The following CHD6 variants were observed in gnomAD, a reference collection of about 807,000 sequenced individuals.
CHD6 encodes ATP-dependent chromatin remodeler CHD6.
CHD6 carries 50 observed loss-of-function variants against 276.9 expected under a neutral mutation model. That is an observed-to-expected ratio of 0.18 (90% CI 0.14 to 0.23). The LOEUF is 0.23. CHD6 is among the 10% of genes least tolerant of loss of function. The probability of loss-of-function intolerance (pLI) is 1.00; values close to 1 mark genes in which losing one functional copy is unlikely to be tolerated. For missense variants in CHD6, 2,564 were observed against 3,365.8 expected (o/e 0.76, Z 5.89); for synonymous variants, 1,173 against 1,229.3 (o/e 0.95, Z 0.96).
intron 3 of CHD6, among the ~76,000 whole-genome samples, chr20:41,528,182 G>T (rs1208536149): frequency 6.6e-6 from 1 of 151,956 alleles, no homozygotes; most frequent in Non-Finnish European, 1.5e-5. Flanking sequence ...CTTTTCTAAG[G>T]CCAAAACATT....
chr20:41,595,172 G>A (rs926220663), intron 1 of CHD6, among the ~76,000 whole-genome samples: 10 of 152,256 alleles, frequency 6.6e-5, no homozygotes, highest in East Asian at 3.9e-4. Context: ...TCTCAGCAAC[G>A]CAGGAGGAAA....
rs151218025 is a variant in CHD6, at chr20:41,413,548, C to T, written c.6940-33G>A. ...AAGGAAAAACGAGTATGTATAATCACGACACAATGAAAATTAGTTTCTAAA... is the reference window on the plus strand; with the variant it reads ...AAGGAAAAACGAGTATGTATAATCATGACACAATGAAAATTAGTTTCTAAA... On this transcript the variant is annotated intron_variant, in intron 34 of 36. Transcript: ENST00000373233. 2.0e-5 allele frequency: 29 copies of T among 1,436,090 alleles called. No individual in the cohort carries two copies. The Middle Eastern group carries it at 1.4e-3, about 67-fold the overall frequency. 89.0% of individuals were successfully genotyped at this position (1,436,090 alleles called of 1,614,324 possible).
At chr20:41,463,817 G>A (rs1206094467) in intron 17 of CHD6, among the ~76,000 whole-genome samples, 1 of 152,178 alleles carries the variant, frequency 6.6e-6, no homozygotes, top group Non-Finnish European at 1.5e-5. Flanking sequence ...TATGAACTGT[G>A]GATTGGAGAA....
chr20:41,517,827 C>T (rs1402357075), intron 3 of CHD6, among the ~76,000 whole-genome samples: 1 of 152,228 alleles, frequency 6.6e-6, no homozygotes, highest in African/African-American at 2.4e-5. Flanking sequence ...AGGGCAGAGG[C>T]TTACGCTCAG....
chr20:41,585,464 C>A (rs1178837299), intron 1 of CHD6, among the ~76,000 whole-genome samples: 2 of 147,228 alleles, frequency 1.4e-5, no homozygotes, highest in East Asian at 4.0e-4. Context: ...GCCAAGATCG[C>A]ACCATTGCAC....
intron 1 of CHD6, among the ~76,000 whole-genome samples, chr20:41,564,346 T>C (rs2045333083): frequency 6.6e-6 from 1 of 152,140 alleles, no homozygotes; most frequent in African/African-American, 2.4e-5. Context: ...AACAGAGTTA[T>C]AAAAAAGAAC....
intron 2 of CHD6, among the ~76,000 whole-genome samples, chr20:41,542,928 C>T (rs1191293460): frequency 6.6e-6 from 1 of 151,592 alleles, no homozygotes; most frequent in Non-Finnish European, 1.5e-5. Flanking sequence ...CATGGTGAAA[C>T]CCCATCTCTA....
At chr20:41,426,265 C>A in intron 27 of CHD6, 112 bp from the exon 28 acceptor site, 2 of 792,578 alleles carry the variant, frequency 2.5e-6, no homozygotes, top group South Asian at 2.7e-5. Context: ...GTCCCCTGCC[C>A]ATGAACAACT....
intron 31 of CHD6, among the ~76,000 whole-genome samples, chr20:41,419,743 C>T (rs992782092): frequency 6.6e-6 from 1 of 151,720 alleles, no homozygotes; most frequent in Non-Finnish European, 1.5e-5. Context: ...TTTTGTTCAC[C>T]CTAATAGGCC....
intron 1 of CHD6, among the ~76,000 whole-genome samples, chr20:41,565,127 A>G (rs1395396322): frequency 6.7e-6 from 1 of 149,498 alleles, no homozygotes; most frequent in African/African-American, 2.5e-5. Context: ...ATAGAGATTC[A>G]CTATTGTCAC....
At chr20:41,555,202 C>G (rs2045209082) in intron 1 of CHD6, among the ~76,000 whole-genome samples, 2 of 137,084 alleles carry the variant, frequency 1.5e-5, no homozygotes, top group African/African-American at 2.9e-5. Flanking sequence ...GCGCCCCTCA[C>G]CTCCCGGATG....
At position 41,601,310 on chromosome 20, in the gene CHD6, T is replaced by C. The variant is rs186128725; in HGVS notation, c.-24+17030A>G. On this transcript the variant is annotated intron_variant, in intron 1 of 36. Coordinates refer to ENST00000373233, the MANE Select transcript of CHD6 (RefSeq NM_032221.5). ...CTCTTTAGAAGCATGAAAATGTCTG[T>C]TGAAGTGACTTGAAACACGACTACT... 3.3e-5 allele frequency among the ~76,000 whole-genome samples: 5 copies of C among 152,292 alleles called. No homozygotes were observed. The East Asian group carries it at 7.7e-4, about 23-fold the overall frequency.
At chr20:41,565,405 A>C (rs758557517) in intron 1 of CHD6, among the ~76,000 whole-genome samples, 2 of 152,124 alleles carry the variant, frequency 1.3e-5, no homozygotes, top group Non-Finnish European at 2.9e-5. Context: ...GATTCTTTTT[A>C]AGTGGCCTAA....
chr20:41,514,484 T>A (rs2145972668), intron 4 of CHD6, among the ~76,000 whole-genome samples: 1 of 152,306 alleles, frequency 6.6e-6, no homozygotes, highest in African/African-American at 2.4e-5. Context: ...GAGCACTAAA[T>A]GCATTACCTG....
At chr20:41,532,831 G>A (rs747178576) in intron 3 of CHD6, among the ~76,000 whole-genome samples, 2 of 152,192 alleles carry the variant, frequency 1.3e-5, no homozygotes, top group South Asian at 2.1e-4. Context: ...GAAATACCAC[G>A]ACTTTAGAAA....
chr20:41,441,304 G>T (rs755375346), intron 25 of CHD6, among the ~76,000 whole-genome samples: 1 of 152,024 alleles, frequency 6.6e-6, no homozygotes, highest in Non-Finnish European at 1.5e-5. Context: ...CAGATGAGTC[G>T]GTTTTGCCTA....
intron 24 of CHD6, 23 bp from the exon 25 acceptor site, chr20:41,445,791 T>G: frequency 6.7e-7 from 1 of 1,497,832 alleles, no homozygotes. Context: ...GGGTGTAGAC[T>G]CAAAACAACA....
rs921804290 is a variant in CHD6, at chr20:41,473,672, C to T, written c.2469-155G>A. On this transcript the variant is annotated intron_variant, in intron 16 of 36. Coordinates refer to ENST00000373233, the MANE Select transcript of CHD6 (RefSeq NM_032221.5). The surrounding 1 kb of genome is among the most constrained non-coding windows in gnomAD (Gnocchi z 4.1). ...AGTCTAGAAGGAATCCTGCCCCCTA[C>T]ATATGCAGCAGGGCAGACACTTAAA... is the stretch of plus-strand genomic sequence containing the variant. Among the ~76,000 whole-genome samples the T allele has an allele frequency of 2.0e-5, 3 of 152,068 alleles. No individual in the cohort carries two copies. The highest frequency in any genetic ancestry group is 7.2e-5 in the African/African-American group (3 of 41,390).
At chr20:41,430,704 G>A (rs1220171683) in intron 27 of CHD6, among the ~76,000 whole-genome samples, 1 of 152,054 alleles carries the variant, frequency 6.6e-6, no homozygotes, top group Non-Finnish European at 1.5e-5. Flanking sequence ...AATAAATGGA[G>A]TAACTGGTTT....
Sources: allele counts gnomAD v4.1 joint callset (sites outside exome capture counted in the v4.1 genomes callset), GRCh38; gene constraint gnomAD v4.1.1; non-coding constraint Gnocchi (gnomAD v3.1); transcripts MANE v1.5; gene names NCBI Gene and HGNC (gene_info 2026-07-23, HGNC 2026-07-21).